Variants in SPATA12 observed in about 807,000 individuals in gnomAD.
SPATA12 encodes spermatogenesis associated 12.
For synonymous variants in SPATA12, 85 were observed against 89.2 expected (o/e 0.95, Z 0.26); for missense variants, 219 against 226.4 (o/e 0.97, Z 0.21).
chr3:57,069,085 G>C (rs1219283128), intron 1 of SPATA12, among the ~76,000 whole-genome samples: 1 of 151,962 alleles, frequency 6.6e-6, no homozygotes, highest in Non-Finnish European at 1.5e-5. Context: ...ACCACGTCTG[G>C]ATAATTTTTG....
chr3:57,073,585 CAG>C lies in SPATA12; in HGVS notation c.-109_-108del. The C allele has an allele frequency of 6.9e-7, 1 of 1,454,464 alleles. No individual in the cohort carries two copies. The highest frequency in any genetic ancestry group is 9.0e-7 in the Non-Finnish European group (1 of 1,106,494). 90.1% of individuals were successfully genotyped at this position (1,454,464 alleles called of 1,614,324 possible). ...GGGTGTGGCTGAAGGTGAATTGGAA[CAG>C]TGCACTCAGAGCCAGGTTGCAAGAG... On this transcript the variant is annotated 5_prime_UTR_variant, in exon 2 of 2. It removes the in-frame stop codon of an upstream open reading frame in the 5' UTR. Transcript: ENST00000334325.
At chr3:57,073,188 CACAA>C (rs375876534) in intron 1 of SPATA12, among the ~76,000 whole-genome samples, 174 bp from the exon 2 acceptor site, 292 of 152,174 alleles carry the variant, frequency 1.9e-3, no homozygotes, top group African/African-American at 6.7e-3. Context: ...CCCAGTTGAT[CACAA>C]ACATTCTCTC....
chr3:57,063,678 G>A (rs1334976573), intron 1 of SPATA12, among the ~76,000 whole-genome samples: 1 of 152,292 alleles, frequency 6.6e-6, no homozygotes. Context: ...AAGGCTTCGA[G>A]GAAGAGAAAG....
Position 57,073,981 on chromosome 3 carries a change from T to C in SPATA12, c.287T>C (p.Val96Ala), listed in dbSNP as rs1706079909. ...GCAGCCATCTCTCTTGACATCGCTG[T>C]ATCCCAAATAAATCTTCTGGGAAGA... ...LQAAISLDIA[V>A]SQINLLGRPS... Residue 96 changes from valine (V) to alanine (A), a missense_variant, in exon 2 of 2, where the codon GTA becomes GCA. Transcript: ENST00000334325. 6.2e-7 allele frequency: 1 copy of C among 1,614,126 alleles called. No homozygotes were observed. The highest frequency in any genetic ancestry group is 8.5e-7 in the Non-Finnish European group (1 of 1,180,056).
chr3:57,067,695 C>T (rs1212963070), intron 1 of SPATA12, among the ~76,000 whole-genome samples: 4 of 149,764 alleles, frequency 2.7e-5, no homozygotes, highest in Admixed American at 6.7e-5. Context: ...AATTAGCCGG[C>T]GTGAGACCAG....
intron 1 of SPATA12, among the ~76,000 whole-genome samples, chr3:57,062,169 C>CGCAA: frequency 3.0e-5 from 1 of 32,970 alleles, no homozygotes; most frequent in East Asian, 3.2e-3. Context: ...CCTGGAGCAG[C>CGCAA]TCAGTCATGT....
chr3:57,068,113 C>G (rs1338131058), intron 1 of SPATA12, among the ~76,000 whole-genome samples: 1 of 152,058 alleles, frequency 6.6e-6, no homozygotes, highest in South Asian at 2.1e-4. Flanking sequence ...ACACTAGACA[C>G]GCATAGGGTA....
intron 1 of SPATA12, among the ~76,000 whole-genome samples, chr3:57,069,496 G>C (rs1489181713): frequency 6.6e-6 from 1 of 151,956 alleles, no homozygotes; most frequent in African/African-American, 2.4e-5. Flanking sequence ...TTCCCAGGTT[G>C]TTCTTTAAGT....
In SPATA12 at chr3:57,073,825, C is replaced by T; in HGVS notation, c.131C>T (p.Pro44Leu). 1 of 1,614,194 alleles carries T rather than the reference C, an allele frequency of 6.2e-7. No homozygotes were observed. Among genetic ancestry groups the T allele is most frequent in the Non-Finnish European group, 8.5e-7 (1 of 1,180,040 alleles). ...PRGLGSSTQH[P>L]NKPHCALASC... is the part of the protein sequence containing the mutation. ...GGCCTTGGGTCATCCACCCAACATC[C>T]CAACAAACCCCACTGTGCACTGGCA... The change falls in exon 2 of 2, where the codon CCC (proline) becomes CTC (leucine). Residue 44 changes from proline (P) to leucine (L), a missense_variant. Physicochemically the swap from Pro to Leu is moderately conservative, Grantham distance 98. Transcript: ENST00000334325.
chr3:57,061,933 C>T (rs1002410746), intron 1 of SPATA12, among the ~76,000 whole-genome samples: 6 of 152,138 alleles, frequency 3.9e-5, no homozygotes, highest in South Asian at 2.1e-4. Context: ...ATTGTTTCTC[C>T]GGTTGTGACA....
Position 57,066,160 on chromosome 3 carries a change from A to G in SPATA12, c.-330+5374A>G, listed in dbSNP as rs1414366534. ...ACCTGTAATTGCAAGAGAACAAGGGAGGGACTTATTTTGCAGTCAATCAAA... is the reference window on the plus strand; with the variant it reads ...ACCTGTAATTGCAAGAGAACAAGGGGGGGACTTATTTTGCAGTCAATCAAA... On this transcript the variant is annotated intron_variant, in intron 1 of 1. Transcript: ENST00000334325. Among the ~76,000 whole-genome samples the G allele has an allele frequency of 1.3e-5, 2 of 152,142 alleles. 1 individual carries two copies.
Position 57,075,014 on chromosome 3 carries a change from C to CA in SPATA12, c.*748dup, listed in dbSNP as rs1348850360. 26 of 167,200 alleles carry CA rather than the reference C, an allele frequency of 1.6e-4. No individual in the cohort carries two copies. The allele number at this position is 167,200 out of a possible 1,614,324, so 10.4% of individuals were successfully genotyped here. A position where few individuals can be genotyped will look rare whatever the true frequency, so the allele number is the denominator to read the frequency against. On this transcript the variant is annotated 3_prime_UTR_variant, in exon 2 of 2. Transcript: ENST00000334325. Reference sequence around the variant, plus strand: ...CCTCCCCTTCTGCAGTGAGATAGACCATGTCCAGTGCTCAGGAGTTGACTG... The same window carrying CA: ...CCTCCCCTTCTGCAGTGAGATAGACCAATGTCCAGTGCTCAGGAGTTGACTG...
At chr3:57,064,530 A>G (rs1479908177) in intron 1 of SPATA12, among the ~76,000 whole-genome samples, 1 of 152,146 alleles carries the variant, frequency 6.6e-6, no homozygotes, top group African/African-American at 2.4e-5. Flanking sequence ...CATGTTGCCA[A>G]GGCTGGTTTT....
In SPATA12 at chr3:57,073,530, T is replaced by C; in HGVS notation, c.-165T>C. ...TCTGGGTGACTGTGGGGTTTGGCTC[T>C]GTTTGAGCACCCCGGGATGATTGGT... On this transcript the variant is annotated 5_prime_UTR_variant, in exon 2 of 2. Transcript: ENST00000334325. 8.2e-7 allele frequency: 1 copy of C among 1,214,476 alleles called. No individual in the cohort carries two copies. Among genetic ancestry groups the C allele is most frequent in the South Asian group, 1.7e-5 (1 of 59,988 alleles). The allele number at this position is 1,214,476 out of a possible 1,614,324, so 75.2% of individuals were successfully genotyped here. A position where few individuals can be genotyped will look rare whatever the true frequency, so the allele number is the denominator to read the frequency against.
At chr3:57,072,241 A>AC (rs555932462) in intron 1 of SPATA12, among the ~76,000 whole-genome samples, 72 of 152,304 alleles carry the variant, frequency 4.7e-4, no homozygotes, top group African/African-American at 1.7e-3. Context: ...GTTACCATAT[A>AC]CCTAGCAATT....
chr3:57,067,881 T>C (rs1705650338), intron 1 of SPATA12, among the ~76,000 whole-genome samples: 1 of 150,468 alleles, frequency 6.6e-6, no homozygotes, highest in Non-Finnish European at 1.5e-5. Context: ...TCCCAGCTAC[T>C]CAGAAGGCTG....
intron 1 of SPATA12, among the ~76,000 whole-genome samples, chr3:57,072,228 A>G (rs1705947385): frequency 6.6e-6 from 1 of 152,234 alleles, no homozygotes; most frequent in African/African-American, 2.4e-5. Flanking sequence ...CAAAATGTTA[A>G]GAGTTACCAT....
intron 1 of SPATA12, among the ~76,000 whole-genome samples, chr3:57,064,682 G>A (rs1255199109): frequency 1.3e-5 from 2 of 152,202 alleles, no homozygotes; most frequent in Admixed American, 6.5e-5. Flanking sequence ...AAATAAGCCA[G>A]TCACAAAAGG....
chr3:57,068,819 A>G (rs2129820), intron 1 of SPATA12, among the ~76,000 whole-genome samples: 33,556 of 152,050 alleles, frequency 0.22, 4,271 homozygotes, highest in East Asian at 0.48. Flanking sequence ...ATGTGCACAC[A>G]CACGCACACA....
Sources: allele counts gnomAD v4.1 joint callset (sites outside exome capture counted in the v4.1 genomes callset), GRCh38; gene constraint gnomAD v4.1.1; transcripts MANE v1.5; gene names NCBI Gene and HGNC (gene_info 2026-07-23, HGNC 2026-07-21).